Variants in CPPED1 observed in about 807,000 individuals in gnomAD.
The protein encoded by CPPED1 is serine/threonine-protein phosphatase CPPED1.
CPPED1 carries 28 observed loss-of-function variants against 28.0 expected under a neutral mutation model. That is an observed-to-expected ratio of 1.00 (90% CI 0.74 to 1.37). CPPED1 has a LOEUF of 1.37. CPPED1 is among the 40% of genes most tolerant of loss of function. The pLI is 0.00. For missense variants in CPPED1, 504 were observed against 416.5 expected, an observed-to-expected ratio of 1.21 and a Z score of -1.83; for synonymous variants, 198 against 180.2, an observed-to-expected ratio of 1.10 and a Z score of -0.79.
chr16:12,766,361 G>A (rs151073518), intron 2 of CPPED1, among the ~76,000 whole-genome samples: 96 of 151,788 alleles, frequency 6.3e-4, no homozygotes, highest in African/African-American at 2.2e-3. Context: ...ACATACCTCA[G>A]ACTGTGAAGG....
chr16:12,728,231 T>C (rs1304576469), intron 2 of CPPED1, among the ~76,000 whole-genome samples: 1 of 152,000 alleles, frequency 6.6e-6, no homozygotes, highest in Non-Finnish European at 1.5e-5. Context: ...GGGAATTCAG[T>C]GTAAGAGAGG....
intron 2 of CPPED1, among the ~76,000 whole-genome samples, chr16:12,717,972 CT>C (rs1216118153): frequency 6.6e-6 from 1 of 152,138 alleles, no homozygotes; most frequent in Non-Finnish European, 1.5e-5. Context: ...CAAATTTACC[CT>C]TCGTAAACTC....
At chr16:12,769,241 C>T (rs1201408339) in intron 2 of CPPED1, among the ~76,000 whole-genome samples, 1 of 143,080 alleles carries the variant, frequency 7.0e-6, no homozygotes, top group Non-Finnish European at 1.6e-5. Context: ...TAGACCAACA[C>T]ATGAATTATT....
chr16:12,683,431 T>C (rs1422607584), intron 3 of CPPED1, among the ~76,000 whole-genome samples: 1 of 152,178 alleles, frequency 6.6e-6, no homozygotes, highest in Non-Finnish European at 1.5e-5. Flanking sequence ...ACCGGTTCTG[T>C]TATAACCTGA....
chr16:12,717,365 G>A (rs1239019080), intron 2 of CPPED1, among the ~76,000 whole-genome samples: 1 of 152,174 alleles, frequency 6.6e-6, no homozygotes, highest in Non-Finnish European at 1.5e-5. Flanking sequence ...CCAGGTTCGC[G>A]CCATTCTCCT....
At chr16:12,797,662 G>A (rs1448130005) in intron 1 of CPPED1, among the ~76,000 whole-genome samples, 1 of 152,064 alleles carries the variant, frequency 6.6e-6, no homozygotes, top group Non-Finnish European at 1.5e-5. Context: ...GAACTGTCTT[G>A]GGCCACACAT....
intron 2 of CPPED1, among the ~76,000 whole-genome samples, chr16:12,719,679 A>C (rs952880561): frequency 1.6e-4 from 25 of 152,286 alleles, no homozygotes; most frequent in African/African-American, 6.0e-4. Context: ...TCACGCCTGT[A>C]ATCCCAGCAC....
chr16:12,678,282 C>T (rs181008338), intron 3 of CPPED1, among the ~76,000 whole-genome samples: 2 of 152,302 alleles, frequency 1.3e-5, no homozygotes, highest in Admixed American at 6.5e-5. Context: ...AGCATCTGTC[C>T]TGACGGTCAG....
chr16:12,672,447 T>C (rs1402425762), intron 3 of CPPED1, among the ~76,000 whole-genome samples: 1 of 152,212 alleles, frequency 6.6e-6, no homozygotes, highest in African/African-American at 2.4e-5. Flanking sequence ...TAAAAAGAGG[T>C]AATTTACATG....
chr16:12,767,157 G>A (rs1023555605), intron 2 of CPPED1, among the ~76,000 whole-genome samples: 1 of 152,038 alleles, frequency 6.6e-6, no homozygotes, highest in Non-Finnish European at 1.5e-5. Context: ...GTAAGCCGGG[G>A]GTTTCATTCA....
intron 3 of CPPED1, among the ~76,000 whole-genome samples, chr16:12,681,453 T>C (rs2079904449): frequency 6.6e-6 from 1 of 152,154 alleles, no homozygotes; most frequent in Admixed American, 6.5e-5. Flanking sequence ...CTCTGTTCTT[T>C]ATAAATTACC....
Position 12,701,878 on chromosome 16 carries a change from C to T in CPPED1, c.715+2746G>A, listed in dbSNP as rs76618602. The stretch of plus-strand genomic sequence containing the variant: ...TAGCGAGCTCCTCCGGAGATGGAGC[C>T]ATTGGATTCCAGCGCCTGATGTCAC... On this transcript the variant is annotated intron_variant, in intron 3 of 3. Transcript: ENST00000381774. Among the ~76,000 whole-genome samples, 62 of 152,276 alleles carry T rather than the reference C, an allele frequency of 4.1e-4. No homozygotes were observed. In the East Asian group the frequency reaches 0.012, roughly 29 times the overall value.
At chr16:12,799,243 GTTT>G (rs200948126) in intron 1 of CPPED1, among the ~76,000 whole-genome samples, 1 of 135,208 alleles carries the variant, frequency 7.4e-6, no homozygotes. Context: ...GGAAAAGTCA[GTTT>G]TTTTTTTTTT....
At chr16:12,685,232 C>T (rs2079926698) in intron 3 of CPPED1, among the ~76,000 whole-genome samples, 1 of 152,178 alleles carries the variant, frequency 6.6e-6, no homozygotes, top group African/African-American at 2.4e-5. Context: ...GACAGATCAC[C>T]TGAGGTCAGG....
intron 3 of CPPED1, among the ~76,000 whole-genome samples, chr16:12,676,058 G>A (rs1304748972): frequency 6.6e-6 from 1 of 152,122 alleles, no homozygotes; most frequent in Non-Finnish European, 1.5e-5. Context: ...TTCAGGAAGA[G>A]GTTCTTCACT....
chr16:12,740,969 G>A (rs1392399825), intron 2 of CPPED1, among the ~76,000 whole-genome samples: 1 of 152,172 alleles, frequency 6.6e-6, no homozygotes, highest in Non-Finnish European at 1.5e-5. Context: ...GATCACAAGA[G>A]AAAAGGATGA....
At chr16:12,674,444 G>C (rs1013011577) in intron 3 of CPPED1, among the ~76,000 whole-genome samples, 10 of 152,138 alleles carry the variant, frequency 6.6e-5, no homozygotes, top group African/African-American at 2.4e-4. Context: ...CAGACGTGGG[G>C]GTTTCTGAGT....
chr16:12,760,019 T>C (rs1374731172), intron 2 of CPPED1, among the ~76,000 whole-genome samples: 1 of 152,222 alleles, frequency 6.6e-6, no homozygotes, highest in East Asian at 1.9e-4. Flanking sequence ...AAGTCATCCT[T>C]CCAATGGCAG....
intron 2 of CPPED1, among the ~76,000 whole-genome samples, chr16:12,767,110 G>A (rs73508408): frequency 0.018 from 2,720 of 152,124 alleles, 75 homozygotes; most frequent in African/African-American, 0.063. Context: ...GGGTTCACAG[G>A]GTCACAGGGG....
Sources: gnomAD v4.1 joint callset for allele counts (sites outside exome capture counted in the v4.1 genomes callset) on GRCh38, gnomAD v4.1.1 for gene constraint, MANE v1.5 for transcripts, NCBI Gene and HGNC (gene_info 2026-07-23, HGNC 2026-07-21) for gene names.